Variants in EYA1 observed in about 807,000 individuals in gnomAD.
EYA1 encodes the protein protein phosphatase EYA1.
In EYA1, 16 loss-of-function variants were observed where a neutral mutation model predicts 82.0. The ratio of observed to expected loss-of-function variants is 0.20; its 90% confidence interval spans 0.13 to 0.30. The LOEUF is 0.30. EYA1 is among the 10% of genes least tolerant of loss of function. The pLI is 1.00. For synonymous variants in EYA1, 261 were observed against 264.4 expected (o/e 0.99, Z 0.12); for missense variants, 633 against 730.7 (o/e 0.87, Z 1.54).
chr8:71,235,626 A>G lies in EYA1; in HGVS notation c.1140+8977T>C, dbSNP rs181338811. 2.3e-4 allele frequency among the ~76,000 whole-genome samples: 35 copies of G among 152,196 alleles called. 1 individual carries two copies. Among genetic ancestry groups the G allele is most frequent in the African/African-American group, 8.2e-4 (34 of 41,512 alleles). On this transcript the variant is annotated intron_variant, in intron 12 of 17. Coordinates refer to ENST00000340726, the MANE Select transcript of EYA1 (RefSeq NM_000503.6). The stretch of plus-strand genomic sequence containing the variant: ...TTTTGTTTACATACTGTTTATTCCT[A>G]CTTCTCTTCCACAGCACTAACTCCA...
intron 2 of EYA1, among the ~76,000 whole-genome samples, chr8:71,454,483 A>G (rs1281084051): frequency 2.0e-5 from 3 of 152,212 alleles, no homozygotes; most frequent in East Asian, 1.9e-4. Context: ...TCAGCACCAC[A>G]TCACACTTAT....
intron 4 of EYA1, among the ~76,000 whole-genome samples, chr8:71,326,684 C>T (rs766007721): frequency 7.9e-5 from 12 of 152,178 alleles, no homozygotes; most frequent in Non-Finnish European, 1.3e-4. Flanking sequence ...ACTGCACTCC[C>T]ACCTAACTTA....
At chr8:71,347,963 C>A (rs1825917954) in intron 3 of EYA1, among the ~76,000 whole-genome samples, 1 of 149,870 alleles carries the variant, frequency 6.7e-6, no homozygotes, top group East Asian at 2.0e-4. Context: ...TAAGCTCTCA[C>A]TTATAAATTG....
chr8:71,360,226 A>G (rs762078006), intron 1 of EYA1, among the ~76,000 whole-genome samples: 64 of 152,234 alleles, frequency 4.2e-4, no homozygotes, highest in Non-Finnish European at 5.4e-4. Flanking sequence ...GAAAACAAAA[A>G]TAAGTATTTA....
chr8:71,298,136 C>A (rs1819789320), intron 9 of EYA1, among the ~76,000 whole-genome samples: 2 of 151,924 alleles, frequency 1.3e-5, no homozygotes, highest in South Asian at 2.1e-4. Flanking sequence ...AACTTTTTTT[C>A]ATGATTTAGG....
intron 7 of EYA1, among the ~76,000 whole-genome samples, chr8:71,306,542 T>G (rs904213767): frequency 2.0e-5 from 3 of 152,084 alleles, no homozygotes; most frequent in Non-Finnish European, 4.4e-5. Context: ...ATGGGGGTGC[T>G]CAGGAGAATA....
At position 71,321,877 on chromosome 8, in the gene EYA1, C is replaced by T; in HGVS notation, c.275G>A (p.Arg92Lys). The T allele has an allele frequency of 6.2e-7, 1 of 1,614,206 alleles. No individual in the cohort carries two copies. The highest frequency in any genetic ancestry group is 8.5e-7 in the Non-Finnish European group (1 of 1,180,046). The change falls in exon 6 of 18, where the codon AGA becomes AAA. Residue 92 changes from arginine (R) to lysine (K), a missense_variant and splice_region_variant. Arg to Lys is a conservative substitution (Grantham distance 26). Coordinates refer to ENST00000340726, the MANE Select transcript of EYA1 (RefSeq NM_000503.6). ...GGTAGGGAGAATATGTGGGTATGGTCTGCTATTTGTCAGAAATGACAGAAA... is the reference window on the plus strand; with the variant it reads ...GGTAGGGAGAATATGTGGGTATGGTTTGCTATTTGTCAGAAATGACAGAAA... ...FSPPQIYPSN[R>K]PYPHILPTPS... is the part of the protein sequence containing the mutation.
At chr8:71,509,205 C>A (rs905416156) in intron 2 of EYA1, among the ~76,000 whole-genome samples, 5 of 151,632 alleles carry the variant, frequency 3.3e-5, no homozygotes, top group African/African-American at 1.2e-4. Context: ...CTGCAGCCTG[C>A]GCAACAAAGA....
chr8:71,340,549 CCA>C (rs1319440021), intron 3 of EYA1, among the ~76,000 whole-genome samples: 1 of 152,078 alleles, frequency 6.6e-6, no homozygotes, highest in African/African-American at 2.4e-5. Flanking sequence ...TGACTAAATC[CCA>C]CAGTTTCTTC....
chr8:71,281,822 A>C (rs1045406898), intron 9 of EYA1, among the ~76,000 whole-genome samples: 4 of 152,210 alleles, frequency 2.6e-5, no homozygotes, highest in African/African-American at 9.7e-5. Context: ...TGTGGCTATC[A>C]CAAATTCCTA....
chr8:71,448,139 A>G (rs974991268), intron 2 of EYA1, among the ~76,000 whole-genome samples: 2 of 151,502 alleles, frequency 1.3e-5, no homozygotes, highest in Admixed American at 6.6e-5. Flanking sequence ...CTGGTACTAC[A>G]GGCACATGCT....
At chr8:71,465,633 TAAAC>T (rs1230652870) in intron 2 of EYA1, among the ~76,000 whole-genome samples, 1 of 151,960 alleles carries the variant, frequency 6.6e-6, no homozygotes, top group South Asian at 2.1e-4. Flanking sequence ...AAAAAATAAA[TAAAC>T]AAATAAAATG....
intron 1 of EYA1, among the ~76,000 whole-genome samples, chr8:71,545,183 C>T (rs1006821518): frequency 1.8e-4 from 28 of 152,308 alleles, no homozygotes; most frequent in Middle Eastern, 3.4e-3. Flanking sequence ...GCTTTTTCAT[C>T]AGTACAATGG....
At chr8:71,233,321 T>C (rs993926734) in intron 12 of EYA1, among the ~76,000 whole-genome samples, 1 of 152,032 alleles carries the variant, frequency 6.6e-6, no homozygotes, top group African/African-American at 2.4e-5. Context: ...TCCCAGCACT[T>C]TGGGAGGCCA....
intron 2 of EYA1, among the ~76,000 whole-genome samples, chr8:71,397,427 T>C (rs1438262527): frequency 2.0e-5 from 3 of 152,300 alleles, no homozygotes; most frequent in East Asian, 1.9e-4. Flanking sequence ...TGGCTGGTAC[T>C]AGTTGTTCCT....
intron 2 of EYA1, among the ~76,000 whole-genome samples, chr8:71,448,025 T>TTTTTTTTTTTTTTTTGTAACGGAG (rs935912194): frequency 7.7e-5 from 9 of 116,736 alleles, no homozygotes; most frequent in African/African-American, 1.4e-4. Flanking sequence ...TTTTTTTTTT[T>TTTTTTTTTTTTTTTTGTAACGGAG]TCTCGCTCCG....
rs191448821 is a variant in EYA1 at position 71,338,663 on chromosome 8, C to T, written c.125-4489G>A. Reference sequence around the variant, plus strand: ...GACCATTCAGAAGAAACAAATATTTCGTCCATTTGATTAGTTATATTTTTC... The same window carrying T: ...GACCATTCAGAAGAAACAAATATTTTGTCCATTTGATTAGTTATATTTTTC... On this transcript the variant is annotated intron_variant, in intron 3 of 17. Transcript: ENST00000340726. Among the ~76,000 whole-genome samples, 285 of 152,316 alleles carry T rather than the reference C, an allele frequency of 1.9e-3. 1 individual carries two copies. Among genetic ancestry groups the T allele is most frequent in the Admixed American group, 4.4e-3 (67 of 15,300 alleles).
chr8:71,220,803 AG>A (rs1208663015), intron 12 of EYA1, among the ~76,000 whole-genome samples: 1 of 152,138 alleles, frequency 6.6e-6, no homozygotes, highest in Non-Finnish European at 1.5e-5. Context: ...GCAAGTTCAA[AG>A]GCCCTGAGGC....
intron 12 of EYA1, among the ~76,000 whole-genome samples, chr8:71,228,375 A>T (rs1810803882): frequency 6.6e-6 from 1 of 152,120 alleles, no homozygotes; most frequent in Admixed American, 6.5e-5. Flanking sequence ...AATTTCTTCC[A>T]GCATGGGGAG....
Sources: allele counts gnomAD v4.1 joint callset (sites outside exome capture counted in the v4.1 genomes callset), GRCh38; gene constraint gnomAD v4.1.1; transcripts MANE v1.5; gene names NCBI Gene and HGNC (gene_info 2026-07-23, HGNC 2026-07-21).